Variants in THSD7B observed in about 807,000 individuals in gnomAD.
THSD7B encodes the protein thrombospondin type 1 domain containing 7B, also known as thrombospondin type-1 domain-containing protein 7B.
In THSD7B, 138 loss-of-function variants were observed where a neutral mutation model predicts 213.6. The ratio of observed to expected loss-of-function variants is 0.65; its 90% CI spans 0.56 to 0.74. The LOEUF (loss-of-function observed/expected upper bound fraction) is 0.74, where lower values mean the gene tolerates loss of function less well. Among genes scored for constraint, THSD7B ranks in the 30% least tolerant of loss-of-function variants. The pLI is 0.00. For missense variants in THSD7B, 1,931 were observed against 1,991.5 expected (o/e 0.97, Z 0.58); for synonymous variants, 742 against 687.0 (o/e 1.08, Z -1.25).
chr2:137,480,662 G>A (rs139339225), intron 15 of THSD7B, among the ~76,000 whole-genome samples: 6 of 152,170 alleles, frequency 3.9e-5, no homozygotes, highest in African/African-American at 1.2e-4. Context: ...TTCAAGAACC[G>A]TCCAATTAAT....
At chr2:136,766,871 G>A (rs1180103746) in intron 1 of THSD7B, among the ~76,000 whole-genome samples, 1 of 152,104 alleles carries the variant, frequency 6.6e-6, no homozygotes, top group Non-Finnish European at 1.5e-5. Context: ...TTTAAATGAC[G>A]GTCTGCCTGG....
intron 17 of THSD7B, among the ~76,000 whole-genome samples, chr2:137,576,730 AAG>A (rs1681468087): frequency 6.6e-6 from 1 of 152,184 alleles, no homozygotes; most frequent in Admixed American, 6.6e-5. Flanking sequence ...TTAGAAGAGA[AAG>A]AGAAATGCAT....
chr2:137,468,624 AGGGGTGG>A (rs1320613090), intron 15 of THSD7B, among the ~76,000 whole-genome samples: 1 of 3,282 alleles, frequency 3.0e-4, no homozygotes, highest in Non-Finnish European at 3.5e-3. Context: ...GTGTGTGTGG[AGGGGTGG>A]GGGGTGGGGG....
At chr2:137,351,995 A>C (rs1374598174) in intron 12 of THSD7B, among the ~76,000 whole-genome samples, 2 of 151,814 alleles carry the variant, frequency 1.3e-5, no homozygotes, top group African/African-American at 2.4e-5. Flanking sequence ...CATTAGTGTT[A>C]GTGTATTTTA....
intron 14 of THSD7B, among the ~76,000 whole-genome samples, chr2:137,429,109 A>G (rs1473832195): frequency 6.6e-6 from 1 of 152,166 alleles, no homozygotes; most frequent in Non-Finnish European, 1.5e-5. Context: ...TAGCAGCAGG[A>G]ATGGACTAAG....
At chr2:137,499,608 T>G (rs1679654006) in intron 15 of THSD7B, among the ~76,000 whole-genome samples, 1 of 152,222 alleles carries the variant, frequency 6.6e-6, no homozygotes, top group African/African-American at 2.4e-5. Context: ...AAGGTTTTCA[T>G]AAGATTCATC....
chr2:136,898,663 A>C (rs1377210888), intron 2 of THSD7B, among the ~76,000 whole-genome samples: 2 of 57,892 alleles, frequency 3.5e-5, no homozygotes, highest in Non-Finnish European at 5.7e-5. Context: ...TTTTTTTTTG[A>C]AATGGAGTCT....
At chr2:137,200,051 G>A (rs1016469007) in intron 7 of THSD7B, among the ~76,000 whole-genome samples, 16 of 152,070 alleles carry the variant, frequency 1.1e-4, no homozygotes, top group African/African-American at 2.9e-4. Flanking sequence ...CTCAAGGAAC[G>A]TTGGAAATGT....
At chr2:136,879,913 T>C (rs964598357) in intron 1 of THSD7B, among the ~76,000 whole-genome samples, 3 of 152,144 alleles carry the variant, frequency 2.0e-5, no homozygotes, top group Non-Finnish European at 4.4e-5. Flanking sequence ...CAAGAAGAGC[T>C]AACTATTCTA....
chr2:137,322,044 G>A (rs1345817052), intron 12 of THSD7B, among the ~76,000 whole-genome samples: 1 of 152,204 alleles, frequency 6.6e-6, no homozygotes, highest in African/African-American at 2.4e-5. Flanking sequence ...CTTCTCATAT[G>A]TTGGATTAAG....
rs376362104 is a variant in THSD7B, at chr2:137,450,392, C to T, written c.2960-453C>T. Reference sequence around the variant, plus strand: ...CCTAATCTGTGGTCCACTGTCTGTCCTCTTCCCATCCCCAAGTCACATTAC... The same window carrying T: ...CCTAATCTGTGGTCCACTGTCTGTCTTCTTCCCATCCCCAAGTCACATTAC... On this transcript the variant is annotated intron_variant, in intron 14 of 27. Coordinates refer to ENST00000409968, the MANE Select transcript of THSD7B (RefSeq NM_001316349.2). Among the ~76,000 whole-genome samples, 9 of 152,320 alleles carry T rather than the reference C, an allele frequency of 5.9e-5. No individual in the cohort carries two copies. In the East Asian group the frequency reaches 1.5e-3, roughly 26 times the overall value.
rs185139123 is a variant in THSD7B, at chr2:137,532,963, G to A, written c.3139-30258G>A. ...ATACATATATATACCATACATTTATGTATCTATATCTATATACATTCTGTC... is the reference window on the plus strand; with the variant it reads ...ATACATATATATACCATACATTTATATATCTATATCTATATACATTCTGTC... On this transcript the variant is annotated intron_variant, in intron 15 of 27. Coordinates refer to ENST00000409968, the MANE Select transcript of THSD7B (RefSeq NM_001316349.2). Among the ~76,000 whole-genome samples, 289 of 150,806 alleles carry A rather than the reference G, an allele frequency of 1.9e-3. 1 individual carries two copies. The highest frequency in any genetic ancestry group is 3.2e-3 in the Non-Finnish European group (216 of 67,574).
chr2:136,823,402 G>A (rs1396259521), intron 1 of THSD7B, among the ~76,000 whole-genome samples: 16 of 152,180 alleles, frequency 1.1e-4, no homozygotes, highest in Admixed American at 9.8e-4. Context: ...GAAAGCAGAT[G>A]ATACTTGTTT....
chr2:137,364,744 C>A (rs540068965), intron 12 of THSD7B, among the ~76,000 whole-genome samples: 2 of 152,044 alleles, frequency 1.3e-5, no homozygotes, highest in Non-Finnish European at 2.9e-5. Flanking sequence ...TAAAAGAGGA[C>A]ACAAACAAAT....
At chr2:136,814,818 G>A (rs1682444414) in intron 1 of THSD7B, among the ~76,000 whole-genome samples, 1 of 152,042 alleles carries the variant, frequency 6.6e-6, no homozygotes, top group Non-Finnish European at 1.5e-5. Context: ...TCTAAAATAG[G>A]GTTTGGCAAA....
intron 11 of THSD7B, 70 bp downstream of exon 11, chr2:137,272,732 A>T (rs1227444964): frequency 2.6e-6 from 4 of 1,518,042 alleles, no homozygotes; most frequent in South Asian, 2.5e-5. Flanking sequence ...TTCACATAAC[A>T]TATGGTCGTT....
intron 15 of THSD7B, among the ~76,000 whole-genome samples, chr2:137,462,185 C>T (rs1276126415): frequency 1.3e-5 from 2 of 151,930 alleles, no homozygotes; most frequent in Non-Finnish European, 2.9e-5. Context: ...TGAAACATCC[C>T]TTTGTCCAGT....
chr2:137,666,161 G>A (rs1325804734), intron 26 of THSD7B, among the ~76,000 whole-genome samples: 1 of 151,968 alleles, frequency 6.6e-6, no homozygotes, highest in Non-Finnish European at 1.5e-5. Flanking sequence ...TGGCTTAAAG[G>A]TTTTGTACCA....
chr2:137,115,010 G>C (rs1308844139), intron 4 of THSD7B, 114 bp from the exon 5 acceptor site: 1 of 1,147,548 alleles, frequency 8.7e-7, no homozygotes. Flanking sequence ...CACAGGCAAA[G>C]ATTTGGCCCT....
Sources: allele counts gnomAD v4.1 joint callset (sites outside exome capture counted in the v4.1 genomes callset), GRCh38; gene constraint gnomAD v4.1.1; transcripts MANE v1.5; gene names NCBI Gene and HGNC (gene_info 2026-07-23, HGNC 2026-07-21).